The following UNC93B1 variants were observed in gnomAD, a reference collection of about 807,000 sequenced individuals.
UNC93B1 encodes protein unc-93 homolog B1.
A neutral mutation model predicts 56.8 loss-of-function variants in UNC93B1; 33 were observed. That is an observed-to-expected ratio of 0.58 (90% CI 0.44 to 0.78). UNC93B1 has a LOEUF of 0.78. Ranked by LOEUF, UNC93B1 falls within the 30% of genes least tolerant of loss-of-function variation. UNC93B1 has a pLI of 0.00. For synonymous variants in UNC93B1, 334 were observed against 358.6 expected, an observed-to-expected ratio of 0.93 and a Z score of 0.77; for missense variants, 673 against 819.5, an observed-to-expected ratio of 0.82 and a Z score of 2.18.
At chr11:68,001,964 T>G (rs1160105600) in intron 3 of UNC93B1, among the ~76,000 whole-genome samples, 3 of 151,788 alleles carry the variant, frequency 2.0e-5, no homozygotes, top group Non-Finnish European at 2.9e-5. Context: ...GTCAACATAG[T>G]GAAACCCCAT....
At chr11:67,993,854 C>G (rs1856889022) in intron 9 of UNC93B1, 60 bp from the exon 10 acceptor site, 4 of 1,128,584 alleles carry the variant, frequency 3.5e-6, no homozygotes, top group African/African-American at 1.5e-5. Flanking sequence ...CTGGGGCTAC[C>G]GAGCTACCAT....
chr11:67,995,510 A>G (rs1410296419), intron 9 of UNC93B1, 101 bp downstream of exon 9: 9 of 1,006,618 alleles, frequency 8.9e-6, no homozygotes, highest in Non-Finnish European at 1.1e-5. Flanking sequence ...ATGGGACCCC[A>G]TATCTGTCCC....
chr11:68,003,454 C>T lies in UNC93B1; in HGVS notation c.238+203G>A. ...GGAGCCCGGACCCCCGTCCCCCACC[C>T]ACACCGAGGCTCTGGCTGGGACCCG... On this transcript the variant is annotated intron_variant, in intron 2 of 10. Coordinates refer to ENST00000227471, the MANE Select transcript of UNC93B1 (RefSeq NM_030930.4). This position sits in a 1 kb window ranked among gnomAD's most constrained non-coding sequence, Gnocchi z 4.4. 2 of 880,864 alleles carry T rather than the reference C, an allele frequency of 2.3e-6. No individual in the cohort carries two copies. 54.6% of individuals were successfully genotyped at this position (880,864 alleles called of 1,614,324 possible).
intron 3 of UNC93B1, among the ~76,000 whole-genome samples, chr11:68,001,469 C>A (rs570995643): frequency 2.6e-5 from 4 of 151,860 alleles, no homozygotes; most frequent in Non-Finnish European, 5.9e-5. Flanking sequence ...AGCAACATAG[C>A]AACTCCCCAT....
At chr11:67,993,449 G>A (rs1856882243) in intron 10 of UNC93B1, among the ~76,000 whole-genome samples, 1 of 152,254 alleles carries the variant, frequency 6.6e-6, no homozygotes, top group African/African-American at 2.4e-5. Context: ...CAGGATGGCT[G>A]TGATGCACCC....
rs1009081843 is a variant in UNC93B1, at chr11:67,991,544, C to T, written c.*2G>A. The T allele has an allele frequency of 4.9e-6, 7 of 1,436,144 alleles. No homozygotes were observed. The highest frequency in any genetic ancestry group is 6.4e-6 in the Non-Finnish European group (7 of 1,100,396). 89.0% of individuals were successfully genotyped at this position (1,436,144 alleles called of 1,614,324 possible). A position where few individuals can be genotyped will look rare whatever the true frequency, so the allele number is the denominator to read the frequency against. On this transcript the variant is annotated 3_prime_UTR_variant, in exon 11 of 11. Coordinates refer to ENST00000227471, the MANE Select transcript of UNC93B1 (RefSeq NM_030930.4). Reference sequence around the variant, plus strand: ...GGCTGAGTCCGGGGACCAGGCGGCCCCTCACTGCTCCTCCGGCCCGTCTCC... The same window carrying T: ...GGCTGAGTCCGGGGACCAGGCGGCCTCTCACTGCTCCTCCGGCCCGTCTCC...
chr11:68,003,558 G>A lies in UNC93B1; in HGVS notation c.238+99C>T, dbSNP rs2134368146. On this transcript the variant is annotated intron_variant, in intron 2 of 10. Coordinates refer to ENST00000227471, the MANE Select transcript of UNC93B1 (RefSeq NM_030930.4). The surrounding 1 kb of genome is among the most constrained non-coding windows in gnomAD (Gnocchi z 4.4). Reference sequence around the variant, plus strand: ...GCTGCAGCTGCGAGGGCAGCGGAGGGGAAGTGAGAGCGGGCGGGAGGCGGC... The same window carrying A: ...GCTGCAGCTGCGAGGGCAGCGGAGGAGAAGTGAGAGCGGGCGGGAGGCGGC... The A allele has an allele frequency of 7.0e-7, 1 of 1,436,916 alleles. No homozygotes were observed. Among genetic ancestry groups the A allele is most frequent in the East Asian group, 2.9e-5 (1 of 34,666 alleles). 89.0% of individuals were successfully genotyped at this position (1,436,916 alleles called of 1,614,324 possible). A position where few individuals can be genotyped will look rare whatever the true frequency, so the allele number is the denominator to read the frequency against.
Position 68,003,098 on chromosome 11 carries a change from C to T in UNC93B1, c.316G>A (p.Asp106Asn), listed in dbSNP as rs1565127502. 6.2e-7 allele frequency: 1 copy of T among 1,613,560 alleles called. No homozygotes were observed. The highest frequency in any genetic ancestry group is 8.5e-7 in the Non-Finnish European group (1 of 1,179,780). ...CCCATCAGCATTTTGCTGTCGATGT[C>T]GGGCAGCCCCATGTTGCCATACTTC... ...EVKYGNMGLP[D>N]IDSKMLMGIN... The change falls in exon 3 of 11, where the codon GAC becomes AAC. Residue 106 changes from aspartate to asparagine, a missense_variant. Physicochemically the swap from Asp to Asn is conservative, Grantham distance 23. Coordinates refer to ENST00000227471, the MANE Select transcript of UNC93B1 (RefSeq NM_030930.4). This position sits in a 1 kb window ranked among gnomAD's most constrained non-coding sequence, Gnocchi z 4.4.
intron 3 of UNC93B1, among the ~76,000 whole-genome samples, chr11:68,001,771 C>G (rs1051113023): frequency 4.0e-5 from 6 of 151,800 alleles, no homozygotes; most frequent in African/African-American, 1.4e-4. Context: ...TCAGTGCCAC[C>G]GTATCTGCAG....
rs1327626159 is a variant in UNC93B1, at chr11:67,991,814, AC to A, written c.1525del (p.Val509SerfsTer110). 1 of 1,560,452 alleles carries A rather than the reference AC, an allele frequency of 6.4e-7. No homozygotes were observed. Among genetic ancestry groups the A allele is most frequent in the Non-Finnish European group, 8.6e-7 (1 of 1,162,580 alleles). Reference protein sequence around the residue: ...VLLVTLVAAAVSYLRMEQKLR... With the variant: ...VLLVTLVAAAXSYLRMEQKLR... ...CTTCTGCTCCATCCGCAGGTAGGAGACCGCGGCCGCCACCAGCGTCACCAGC... is the reference window on the plus strand; with the variant it reads ...CTTCTGCTCCATCCGCAGGTAGGAGACGCGGCCGCCACCAGCGTCACCAGC... On this transcript the variant is annotated frameshift_variant, in exon 11 of 11. Transcript: ENST00000227471. LOFTEE classifies it high-confidence loss of function.
Position 68,003,515 on chromosome 11 carries a change from C to T in UNC93B1, c.238+142G>A. 7.8e-7 allele frequency: 1 copy of T among 1,286,216 alleles called. No homozygotes were observed. The highest frequency in any genetic ancestry group is 1.0e-6 in the Non-Finnish European group (1 of 987,770). The allele number at this position is 1,286,216 out of a possible 1,614,324, so 79.7% of individuals were successfully genotyped here. Reference sequence around the variant, plus strand: ...GCTACTTGACCCCCCAACCCCACCCCCGCCGCGGGGGGCCGTGGCTGCAGC... The same window carrying T: ...GCTACTTGACCCCCCAACCCCACCCTCGCCGCGGGGGGCCGTGGCTGCAGC... On this transcript the variant is annotated intron_variant, in intron 2 of 10. Coordinates refer to ENST00000227471, the MANE Select transcript of UNC93B1 (RefSeq NM_030930.4). This position sits in a 1 kb window ranked among gnomAD's most constrained non-coding sequence, Gnocchi z 4.4.
Position 67,995,879 on chromosome 11 carries a change from A to G in UNC93B1, c.1095T>C (p.Tyr365=), listed in dbSNP as rs1443845527. 2.6e-6 allele frequency: 4 copies of G among 1,512,838 alleles called. No homozygotes were observed. The highest frequency in any genetic ancestry group is 3.5e-6 in the Non-Finnish European group (4 of 1,132,434). 93.7% of individuals were successfully genotyped at this position (1,512,838 alleles called of 1,614,324 possible). A position where few individuals can be genotyped will look rare whatever the true frequency, so the allele number is the denominator to read the frequency against. ...LFACTGIALG[Y]GVCSVGLERL... is the part of the protein sequence containing the mutation. The stretch of plus-strand genomic sequence containing the variant: ...GCTCCAGCCCCACCGAGCACACGCC[A>G]TAGCCCTGCGGGGGGACAAGGGGTG... Residue 365 remains tyrosine (Y), a synonymous_variant, in exon 9 of 11, where the codon TAT becomes TAC. Coordinates refer to ENST00000227471, the MANE Select transcript of UNC93B1 (RefSeq NM_030930.4).
At chr11:67,996,809 C>A (rs371666445) in intron 7 of UNC93B1, 25 bp from the exon 8 acceptor site, 4 of 1,513,972 alleles carry the variant, frequency 2.6e-6, no homozygotes, top group African/African-American at 1.4e-5. Flanking sequence ...CTTGAAGGGG[C>A]GGCCAGCCAG....
Position 67,995,627 on chromosome 11 carries a change from G to A in UNC93B1, c.1347C>T (p.Asn449=). 7.0e-7 allele frequency: 1 copy of A among 1,435,712 alleles called. No individual in the cohort carries two copies. The highest frequency in any genetic ancestry group is 9.2e-7 in the Non-Finnish European group (1 of 1,083,234). The allele number at this position is 1,435,712 out of a possible 1,614,324, so 88.9% of individuals were successfully genotyped here. A position where few individuals can be genotyped will look rare whatever the true frequency, so the allele number is the denominator to read the frequency against. ...AALWGVGSAL[N]KTGLSTLLGI... is the part of the protein sequence containing the mutation. ...TATACTCACTGCTGAGTCCAGTCTT[G>A]TTCAGGGCACTGCCCACACCCCAAA... The change falls in exon 9 of 11, where the codon AAC becomes AAT. Residue 449 remains asparagine, a synonymous_variant. Coordinates refer to ENST00000227471, the MANE Select transcript of UNC93B1 (RefSeq NM_030930.4).
At chr11:67,996,164 G>A (rs118030042) in intron 8 of UNC93B1, among the ~76,000 whole-genome samples, 70 of 151,488 alleles carry the variant, frequency 4.6e-4, no homozygotes, top group Non-Finnish European at 7.7e-4. Context: ...AGCCAGGGTG[G>A]GGAGAGGGGC....
chr11:68,003,623 GC>G lies in UNC93B1; in HGVS notation c.238+33del. ...GTTTCCCGGGCCGGGCTGGGAGCGG[GC>G]GGGGCGGCCCCGGGTCCCCGAGCGG... On this transcript the variant is annotated intron_variant, in intron 2 of 10. Transcript: ENST00000227471. This position sits in a 1 kb window ranked among gnomAD's most constrained non-coding sequence, Gnocchi z 4.4. 1 of 1,501,330 alleles carries G rather than the reference GC, an allele frequency of 6.7e-7. No homozygotes were observed. 93.0% of individuals were successfully genotyped at this position (1,501,330 alleles called of 1,614,324 possible).
Position 67,991,342 on chromosome 11 carries a change from G to T in UNC93B1, c.*204C>A. ...TCGAACCCCTGTGCTTGGCCGAGGG[G>T]TTCCCAAGGCTCCACTCCGCCTTGG... On this transcript the variant is annotated 3_prime_UTR_variant, in exon 11 of 11. Transcript: ENST00000227471. 4.0e-6 allele frequency: 2 copies of T among 493,960 alleles called. No homozygotes were observed. Among genetic ancestry groups the T allele is most frequent in the Non-Finnish European group, 6.7e-6 (2 of 297,480 alleles). 30.6% of individuals were successfully genotyped at this position (493,960 alleles called of 1,614,324 possible).
In UNC93B1 at chr11:68,004,080, G is replaced by C. The variant is rs1857095607; in HGVS notation, c.-37C>G. The C allele has an allele frequency of 7.7e-7, 1 of 1,299,082 alleles. No individual in the cohort carries two copies. The highest frequency in any genetic ancestry group is 9.8e-7 in the Non-Finnish European group (1 of 1,021,682). The allele number at this position is 1,299,082 out of a possible 1,614,324, so 80.5% of individuals were successfully genotyped here. On this transcript the variant is annotated 5_prime_UTR_variant, in exon 1 of 11. Coordinates refer to ENST00000227471, the MANE Select transcript of UNC93B1 (RefSeq NM_030930.4). ...CTGCGGACTCGCGGCGGTCGCCCCG[G>C]AGTCCCTGCGACCGCCCGGCCACTT... is the stretch of plus-strand genomic sequence containing the variant.
chr11:68,000,621 C>T (rs1387311349), intron 3 of UNC93B1, among the ~76,000 whole-genome samples: 1 of 151,944 alleles, frequency 6.6e-6, no homozygotes, highest in Non-Finnish European at 1.5e-5. Flanking sequence ...GCTGAGATCG[C>T]GTCACCGCAC....
Sources: allele counts gnomAD v4.1 joint callset (sites outside exome capture counted in the v4.1 genomes callset), GRCh38; gene constraint gnomAD v4.1.1; non-coding constraint Gnocchi (gnomAD v3.1); transcripts MANE v1.5; gene names NCBI Gene and HGNC (gene_info 2026-07-23, HGNC 2026-07-21).